The following NEMP1 variants were observed in gnomAD, a reference collection of about 807,000 sequenced individuals.
NEMP1 encodes nuclear envelope integral membrane protein 1.
Under a neutral mutation model 53.7 loss-of-function variants are expected in NEMP1, and 29 were observed. The observed-to-expected ratio is 0.54, with a 90% CI of 0.40 to 0.74. NEMP1 has a LOEUF of 0.74. Among genes scored for constraint, NEMP1 ranks in the 30% least tolerant of loss-of-function variants. NEMP1 has a pLI of 0.00. For synonymous variants in NEMP1, 193 were observed against 192.9 expected (o/e 1.00, Z 0.00); for missense variants, 477 against 528.6 (o/e 0.90, Z 0.96).
rs925197625 is a variant in NEMP1, at chr12:57,055,818, T to C, written c.*4061A>G. The C allele has an allele frequency of 2.6e-5, 4 of 152,152 alleles. No homozygotes were observed. The highest frequency in any genetic ancestry group is 6.5e-5 in the Admixed American group (1 of 15,274). 9.4% of individuals were successfully genotyped at this position (152,152 alleles called of 1,614,324 possible). A position where few individuals can be genotyped will look rare whatever the true frequency, so the allele number is the denominator to read the frequency against. ...ACATTCATGAACATTTAAATAAAATTACAAATATTTAAATAACCCTAAGGT... is the reference window on the plus strand; with the variant it reads ...ACATTCATGAACATTTAAATAAAATCACAAATATTTAAATAACCCTAAGGT... On this transcript the variant is annotated 3_prime_UTR_variant, in exon 9 of 9. Coordinates refer to ENST00000300128, the MANE Select transcript of NEMP1 (RefSeq NM_001130963.2).
chr12:57,071,625 C>T (rs952002615), intron 2 of NEMP1, among the ~76,000 whole-genome samples: 2 of 152,128 alleles, frequency 1.3e-5, no homozygotes, highest in Non-Finnish European at 2.9e-5. Context: ...GTGATTTGCC[C>T]GCCTCAGCCT....
intron 5 of NEMP1, 87 bp from the exon 6 acceptor site, chr12:57,064,272 T>C: frequency 1.2e-6 from 1 of 818,900 alleles, no homozygotes; most frequent in Non-Finnish European, 1.9e-6. Context: ...GATTTTTTTT[T>C]TAAAAAATTC....
upstream of NEMP1, among the ~76,000 whole-genome samples, chr12:57,083,082 T>A (rs549684123): frequency 1.4e-4 from 22 of 152,318 alleles, no homozygotes; most frequent in East Asian, 2.7e-3. Flanking sequence ...TGTATTTTTT[T>A]ATGTGTAGGT....
chr12:57,070,877 G>C lies in NEMP1; in HGVS notation c.269C>G (p.Ser90Cys), dbSNP rs1235524915. 3 of 1,613,488 alleles carry C rather than the reference G, an allele frequency of 1.9e-6. No individual in the cohort carries two copies. Among genetic ancestry groups the C allele is most frequent in the East Asian group, 2.2e-5 (1 of 44,880 alleles). ...CACCTGGGTGACTCGAACCAATCTGGAACTATTTACTCGGATCTGTAACAC... is the reference window on the plus strand; with the variant it reads ...CACCTGGGTGACTCGAACCAATCTGCAACTATTTACTCGGATCTGTAACAC... ...WTRIQIRVNSSRLVRVTQVEN... is the reference protein window; with the variant it reads ...WTRIQIRVNSCRLVRVTQVEN... The change falls in exon 3 of 9, where the codon TCC (serine) becomes TGC (cysteine). Residue 90 changes from serine (S) to cysteine (C), a missense_variant. Transcript: ENST00000300128.
At chr12:57,087,118 C>G (rs2033019791) in intron 1 of NEMP1, among the ~76,000 whole-genome samples, 1 of 152,236 alleles carries the variant, frequency 6.6e-6, no homozygotes, top group African/African-American at 2.4e-5. Context: ...ACCCCCTCTC[C>G]CAGGACCCGG....
At chr12:57,070,619 A>G in intron 3 of NEMP1, 55 bp downstream of exon 3, 1 of 1,451,898 alleles carries the variant, frequency 6.9e-7, no homozygotes, top group East Asian at 2.5e-5. Flanking sequence ...TATACCCTTC[A>G]GAACTCAGTC....
intron 1 of NEMP1, among the ~76,000 whole-genome samples, chr12:57,075,691 G>T (rs1397846688): frequency 6.6e-6 from 1 of 151,834 alleles, no homozygotes; most frequent in African/African-American, 2.4e-5. Flanking sequence ...ATAAGGCCAG[G>T]CACGGTGGCT....
Position 57,059,623 on chromosome 12 carries a change from C to T in NEMP1, c.*256G>A, listed in dbSNP as rs1398068017. 1 of 346,864 alleles carries T rather than the reference C, an allele frequency of 2.9e-6. No homozygotes were observed. The highest frequency in any genetic ancestry group is 5.3e-6 in the Non-Finnish European group (1 of 189,502). The allele number at this position is 346,864 out of a possible 1,614,324, so 21.5% of individuals were successfully genotyped here. The stretch of plus-strand genomic sequence containing the variant: ...TGTGGCCATCCAATTTCTCTGGAAA[C>T]ATAAAAGTGGGCTGTTAGCTTAACC... On this transcript the variant is annotated 3_prime_UTR_variant, in exon 9 of 9. Coordinates refer to ENST00000300128, the MANE Select transcript of NEMP1 (RefSeq NM_001130963.2).
At chr12:57,082,395 A>G (rs191755903), upstream of NEMP1, among the ~76,000 whole-genome samples, 3 of 152,280 alleles carry the variant, frequency 2.0e-5, no homozygotes, top group African/African-American at 7.2e-5. Context: ...TATCTTTTCA[A>G]TTTTTCTGTA....
intron 3 of NEMP1, 66 bp downstream of exon 3, chr12:57,070,608 T>C: frequency 1.4e-6 from 2 of 1,380,606 alleles, no homozygotes; most frequent in Non-Finnish European, 2.0e-6. Context: ...GTCTCACTAA[T>C]TATACCCTTC....
chr12:57,072,388 C>T (rs1219847690), intron 2 of NEMP1, among the ~76,000 whole-genome samples: 2 of 152,052 alleles, frequency 1.3e-5, no homozygotes, highest in Non-Finnish European at 2.9e-5. Flanking sequence ...TGCAGTGAGC[C>T]AAGATGGTGC....
rs143637849 is a variant in NEMP1 at position 57,062,622 on chromosome 12, A to C, written c.980+497T>G. Among the ~76,000 whole-genome samples the C allele has an allele frequency of 2.0e-5, 3 of 151,840 alleles. No homozygotes were observed. The South Asian group carries it at 6.2e-4, about 32-fold the overall frequency. On this transcript the variant is annotated intron_variant, in intron 7 of 8. Transcript: ENST00000300128. ...TTGGGAGCTCCTCAGCACTTTATGAACTCCTGACATTTGAGGTCAGGAGTT... is the reference window on the plus strand; with the variant it reads ...TTGGGAGCTCCTCAGCACTTTATGACCTCCTGACATTTGAGGTCAGGAGTT...
upstream of NEMP1, among the ~76,000 whole-genome samples, chr12:57,082,299 T>C (rs2032870663): frequency 1.3e-5 from 2 of 152,228 alleles, no homozygotes; most frequent in African/African-American, 4.8e-5. Flanking sequence ...TTCAATACTG[T>C]TTCATTAATG....
intron 1 of NEMP1, among the ~76,000 whole-genome samples, chr12:57,085,196 T>A (rs1335020996): frequency 1.3e-5 from 2 of 152,212 alleles, no homozygotes; most frequent in Middle Eastern, 3.2e-3. Context: ...TTGTTTTTTG[T>A]TTTTGAGACT....
chr12:57,078,679 C>T lies in NEMP1; in HGVS notation c.67G>A (p.Gly23Arg), dbSNP rs368361522. Reference protein sequence around the residue: ...VGPGPWGSGVGGGGTVRLLLI... With the variant: ...VGPGPWGSGVRGGGTVRLLLI... ...AGTAGCCGCACTGTCCCACCGCCCC[C>T]GACTCCCGAGCCCCAGGGCCCGGGA... is the stretch of plus-strand genomic sequence containing the variant. Residue 23 changes from glycine (G) to arginine (R), a missense_variant, in exon 1 of 9, where the codon GGG (glycine) becomes AGG (arginine). Coordinates refer to ENST00000300128, the MANE Select transcript of NEMP1 (RefSeq NM_001130963.2). 1 of 1,613,646 alleles carries T rather than the reference C, an allele frequency of 6.2e-7. No individual in the cohort carries two copies. Among genetic ancestry groups the T allele is most frequent in the Non-Finnish European group, 8.5e-7 (1 of 1,179,794 alleles).
intron 1 of NEMP1, among the ~76,000 whole-genome samples, chr12:57,075,825 G>A (rs997046431): frequency 6.3e-5 from 9 of 143,290 alleles, no homozygotes; most frequent in African/African-American, 1.8e-4. Flanking sequence ...AAAATTACCC[G>A]GGCATGGTGG....
Position 57,078,748 on chromosome 12 carries a change from T to A in NEMP1, c.-3A>T. 1 of 1,610,614 alleles carries A rather than the reference T, an allele frequency of 6.2e-7. No individual in the cohort carries two copies. Among genetic ancestry groups the A allele is most frequent in the Non-Finnish European group, 8.5e-7 (1 of 1,177,624 alleles). ...GCCACTTTCATTCCTCCCGCCATGGTTGCCTCAAGCCACCTCCTCCTCACG... is the reference window on the plus strand; with the variant it reads ...GCCACTTTCATTCCTCCCGCCATGGATGCCTCAAGCCACCTCCTCCTCACG... On this transcript the variant is annotated 5_prime_UTR_variant, in exon 1 of 9. Transcript: ENST00000300128.
chr12:57,081,912 A>T (rs1252115006), upstream of NEMP1, among the ~76,000 whole-genome samples: 1 of 146,228 alleles, frequency 6.8e-6, no homozygotes, highest in Non-Finnish European at 1.5e-5. Context: ...GTCTCAAAAA[A>T]TAAGAAAACA....
chr12:57,062,724 A>C (rs920217169), intron 7 of NEMP1, among the ~76,000 whole-genome samples: 2 of 143,112 alleles, frequency 1.4e-5, no homozygotes, highest in Non-Finnish European at 3.1e-5. Context: ...CATGCCTGTA[A>C]TCCCAGCTAC....
Sources: allele counts gnomAD v4.1 joint callset (sites outside exome capture counted in the v4.1 genomes callset), GRCh38; gene constraint gnomAD v4.1.1; transcripts MANE v1.5; gene names NCBI Gene and HGNC (gene_info 2026-07-23, HGNC 2026-07-21).